The following SYNRG variants were observed in gnomAD, a reference collection of about 807,000 sequenced individuals.
SYNRG encodes the protein synergin gamma.
A neutral mutation model predicts 130.9 loss-of-function variants in SYNRG; 37 were observed. The observed-to-expected ratio is 0.28, with a 90% CI of 0.22 to 0.37. The LOEUF (loss-of-function observed/expected upper bound fraction) is 0.37, where lower values mean the gene tolerates loss of function less well. Ranked by LOEUF, SYNRG falls within the 10% of genes least tolerant of loss-of-function variation. The probability of loss-of-function intolerance (pLI) is 1.00; values close to 1 mark genes in which losing one functional copy is unlikely to be tolerated. For synonymous variants in SYNRG, 539 were observed against 568.1 expected, an observed-to-expected ratio of 0.95 and a Z score of 0.73; for missense variants, 1,338 against 1,588.9, an observed-to-expected ratio of 0.84 and a Z score of 2.68.
chr17:37,538,940 A>T, intron 17 of SYNRG: 1 of 715,510 alleles, frequency 1.4e-6, no homozygotes, highest in Non-Finnish European at 1.7e-6. Context: ...AGTCAGAGTT[A>T]ATGAAATCAC....
intron 3 of SYNRG, among the ~76,000 whole-genome samples, chr17:37,590,480 A>G (rs1196436138): frequency 6.6e-6 from 1 of 152,220 alleles, no homozygotes; most frequent in Non-Finnish European, 1.5e-5. Flanking sequence ...ACATATATTC[A>G]CTCTATGAAA....
intron 11 of SYNRG, among the ~76,000 whole-genome samples, chr17:37,562,201 A>G (rs1196195407): frequency 6.6e-6 from 1 of 152,240 alleles, no homozygotes; most frequent in Non-Finnish European, 1.5e-5. Flanking sequence ...TACAATTTGC[A>G]TTTTTACAAA....
intron 5 of SYNRG, 39 bp from the exon 6 acceptor site, chr17:37,584,798 C>G: frequency 6.7e-7 from 1 of 1,496,774 alleles, no homozygotes; most frequent in Admixed American, 1.7e-5. Flanking sequence ...CTTTACTTAT[C>G]CCTCACTGTA....
Position 37,553,170 on chromosome 17 carries a change from C to T in SYNRG, c.2553G>A (p.Met851Ile). 1.2e-6 allele frequency: 2 copies of T among 1,614,146 alleles called. No homozygotes were observed. Among genetic ancestry groups the T allele is most frequent in the Non-Finnish European group, 1.7e-6 (2 of 1,180,020 alleles). The stretch of plus-strand genomic sequence containing the variant: ...TTGGTAAATCCAAAGAGCTATCAGA[C>T]ATGACATGCTTAAGATCTCCTCCCA... The part of the protein sequence containing the change: ...ADVGGDLKHV[M>I]SDSSLDLPTV... Residue 851 changes from methionine to isoleucine, a missense_variant, in exon 14 of 22, where the codon ATG becomes ATA. Physicochemically the swap from Met to Ile is conservative, Grantham distance 10 (BLOSUM62 1). Coordinates refer to ENST00000612223, the MANE Select transcript of SYNRG (RefSeq NM_007247.6).
At chr17:37,547,336 C>T (rs1249301297) in intron 14 of SYNRG, among the ~76,000 whole-genome samples, 1 of 152,170 alleles carries the variant, frequency 6.6e-6, no homozygotes, top group Non-Finnish European at 1.5e-5. Context: ...AAAAATCTCA[C>T]CAAAAAGACA....
chr17:37,592,740 G>C (rs2062313716), intron 3 of SYNRG, among the ~76,000 whole-genome samples: 1 of 152,250 alleles, frequency 6.6e-6, no homozygotes, highest in Admixed American at 6.5e-5. Context: ...GAACACACTA[G>C]TGAATGCAAA....
At chr17:37,527,898 A>C (rs1302937636) in intron 19 of SYNRG, among the ~76,000 whole-genome samples, 3 of 152,160 alleles carry the variant, frequency 2.0e-5, no homozygotes, top group Non-Finnish European at 4.4e-5. Context: ...AAGACGGTGT[A>C]CCCTGCCTTC....
At chr17:37,609,096 AC>A (rs1454825384) in intron 1 of SYNRG, among the ~76,000 whole-genome samples, 182 bp downstream of exon 1, 4 of 151,062 alleles carry the variant, frequency 2.6e-5, no homozygotes, top group African/African-American at 9.7e-5. Flanking sequence ...ATCCCGGAAC[AC>A]CAGCGTCCAG....
At chr17:37,540,630 CTTT>C (rs767724523) in intron 15 of SYNRG, 87 bp from the exon 16 acceptor site, 12,528 of 683,700 alleles carry the variant, frequency 0.018, no homozygotes, top group South Asian at 0.024. Flanking sequence ...CAACCCTCTT[CTTT>C]TTTTTTTTTT....
chr17:37,524,522 G>A (rs1439374963), intron 19 of SYNRG, among the ~76,000 whole-genome samples: 2 of 152,234 alleles, frequency 1.3e-5, no homozygotes, highest in African/African-American at 2.4e-5. Context: ...TGTGCAAAAG[G>A]ACTCTGGTGT....
chr17:37,599,994 C>T (rs1469482586), intron 2 of SYNRG, among the ~76,000 whole-genome samples: 1 of 152,108 alleles, frequency 6.6e-6, no homozygotes, highest in Non-Finnish European at 1.5e-5. Context: ...ATGGCACTAA[C>T]AATCTAGCAG....
rs1348606996 is a variant in SYNRG, at chr17:37,577,731, C to T, written c.590-118G>A. Reference sequence around the variant, plus strand: ...TTTTTTTTTTTGAGATGGAATCTCACTCTGTCACCCAGGCTGTAGTGTACT... The same window carrying T: ...TTTTTTTTTTTGAGATGGAATCTCATTCTGTCACCCAGGCTGTAGTGTACT... On this transcript the variant is annotated intron_variant, in intron 6 of 21. Transcript: ENST00000612223. The T allele has an allele frequency of 8.0e-6, 6 of 748,642 alleles. No individual in the cohort carries two copies. The East Asian group carries it at 1.4e-4, about 17-fold the overall frequency. 46.4% of individuals were successfully genotyped at this position (748,642 alleles called of 1,614,324 possible). A position where few individuals can be genotyped will look rare whatever the true frequency, so the allele number is the denominator to read the frequency against.
At chr17:37,600,939 C>G (rs955578859) in intron 1 of SYNRG, 1 of 160,408 alleles carries the variant, frequency 6.2e-6, no homozygotes, top group African/African-American at 2.4e-5. Flanking sequence ...TAGAAGCACA[C>G]TATATATTTT....
At chr17:37,579,141 G>A in intron 6 of SYNRG, 3 of 1,180,600 alleles carry the variant, frequency 2.5e-6, no homozygotes, top group Non-Finnish European at 3.2e-6. Flanking sequence ...CCTGCTTCTG[G>A]TACACTGTGT....
At chr17:37,605,854 T>C in intron 1 of SYNRG, 1 of 985,412 alleles carries the variant, frequency 1.0e-6, no homozygotes, top group Non-Finnish European at 1.2e-6. Context: ...TCAGTTACCT[T>C]TGCTACTAAC....
At chr17:37,571,162 A>ATTT (rs2060406788) in intron 9 of SYNRG, among the ~76,000 whole-genome samples, 1 of 152,256 alleles carries the variant, frequency 6.6e-6, no homozygotes, top group South Asian at 2.1e-4. Flanking sequence ...CTTTGCAATA[A>ATTT]AAGAAAAATT....
intron 10 of SYNRG, among the ~76,000 whole-genome samples, chr17:37,570,127 T>C (rs190769174): frequency 6.7e-6 from 1 of 149,780 alleles, no homozygotes; most frequent in African/African-American, 2.5e-5. Flanking sequence ...GGATAGAAGA[T>C]ATAGACATGC....
chr17:37,520,323 A>G (rs2054835391), intron 20 of SYNRG, 109 bp from the exon 21 acceptor site: 2 of 1,437,896 alleles, frequency 1.4e-6, no homozygotes, highest in Admixed American at 1.7e-5. Flanking sequence ...CCCACTATGC[A>G]CAGGGTGCTG....
intron 14 of SYNRG, among the ~76,000 whole-genome samples, chr17:37,543,936 T>C (rs2058024729): frequency 6.6e-6 from 1 of 152,244 alleles, no homozygotes; most frequent in Non-Finnish European, 1.5e-5. Context: ...ACCACATATG[T>C]GATTTACAAG....
Sources: allele counts gnomAD v4.1 joint callset (sites outside exome capture counted in the v4.1 genomes callset), GRCh38; gene constraint gnomAD v4.1.1; transcripts MANE v1.5; gene names NCBI Gene and HGNC (gene_info 2026-07-23, HGNC 2026-07-21).